Variants in OR2C1 observed in about 807,000 individuals in gnomAD.
The protein encoded by OR2C1 is olfactory receptor 2C1.
For synonymous variants in OR2C1, 209 were observed against 167.3 expected (o/e 1.25, Z -1.92); for missense variants, 468 against 388.3 (o/e 1.21, Z -1.73).
the OR2C1 span, among the ~76,000 whole-genome samples, chr16:3,330,557 C>CT: frequency 1.3e-5 from 2 of 151,946 alleles, no homozygotes; most frequent in East Asian, 1.9e-4. Context: ...ACATAGGTAA[C>CT]TTTTTTTTGC....
At chr16:3,336,224 T>G in the OR2C1 span, among the ~76,000 whole-genome samples, 43 of 152,350 alleles carry the variant, frequency 2.8e-4, no homozygotes, top group East Asian at 8.1e-3. Context: ...TTATGTTTAT[T>G]GATTTGTATC....
At chr16:3,344,504 G>T in the OR2C1 span, among the ~76,000 whole-genome samples, 1 of 152,100 alleles carries the variant, frequency 6.6e-6, no homozygotes, top group Admixed American at 6.5e-5. Context: ...GAGGCGGGTG[G>T]ATCACGAGGT....
At chr16:3,353,742 A>C (rs547637110), upstream of OR2C1, among the ~76,000 whole-genome samples, 13 of 151,944 alleles carry the variant, frequency 8.6e-5, no homozygotes, top group African/African-American at 2.9e-4. Flanking sequence ...CAGAGGTTGC[A>C]GTGAGCTGAG....
At chr16:3,352,190 C>T (rs930726857), upstream of OR2C1, among the ~76,000 whole-genome samples, 5 of 152,168 alleles carry the variant, frequency 3.3e-5, no homozygotes, top group Non-Finnish European at 5.9e-5. Context: ...AATCTTGGCT[C>T]ACTGCAAGCT....
chr16:3,353,665 G>A (rs1273779054), upstream of OR2C1, among the ~76,000 whole-genome samples: 1 of 151,892 alleles, frequency 6.6e-6, no homozygotes, highest in Non-Finnish European at 1.5e-5. Flanking sequence ...GTCAGGCGTG[G>A]TGGTGCACTC....
chr16:3,323,979 G>A, the OR2C1 span: 5 of 532,260 alleles, frequency 9.4e-6, no homozygotes, highest in African/African-American at 7.7e-5. Flanking sequence ...AAACCAATAG[G>A]TATACTTCCA....
the OR2C1 span, among the ~76,000 whole-genome samples, chr16:3,344,257 A>G: frequency 3.3e-5 from 5 of 152,200 alleles, no homozygotes; most frequent in African/African-American, 1.2e-4. Flanking sequence ...TTATAAATAA[A>G]CAAGAAAAAC....
rs1161658977 is a variant in OR2C1 at position 3,356,326 on chromosome 16, C to T, written c.386C>T (p.Pro129Leu). Reference protein sequence around the residue: ...AFDRYVAVCRPLRYTAIMNPQ... With the variant: ...AFDRYVAVCRLLRYTAIMNPQ... ...GACCGCTACGTGGCAGTGTGCCGGC[C>T]CCTCCGCTACACCGCCATCATGAAC... is the stretch of plus-strand genomic sequence containing the variant. Residue 129 changes from proline to leucine, a missense_variant, in exon 1 of 1, where the codon CCC (proline) becomes CTC (leucine). Transcript: ENST00000304936. 2 of 1,613,216 alleles carry T rather than the reference C, an allele frequency of 1.2e-6. No homozygotes were observed. Among genetic ancestry groups the T allele is most frequent in the Non-Finnish European group, 1.7e-6 (2 of 1,179,938 alleles).
chr16:3,323,734 A>G, the OR2C1 span: 18 of 685,766 alleles, frequency 2.6e-5, no homozygotes, highest in Non-Finnish European at 4.2e-5. Context: ...ACACCTTGTC[A>G]CATTTCTGCC....
At position 3,357,003 on chromosome 16, in the gene OR2C1, C is replaced by G; in HGVS notation, c.*124C>G. On this transcript the variant is annotated 3_prime_UTR_variant, in exon 1 of 1. Coordinates refer to ENST00000304936, the MANE Select transcript of OR2C1 (RefSeq NM_012368.3). The stretch of plus-strand genomic sequence containing the variant: ...AAACCAAGGCATGTTCCTGACAGCC[C>G]TAAGCTGACAGCCCTAAGCTGTTGG... 1.2e-6 allele frequency: 1 copy of G among 812,930 alleles called. No individual in the cohort carries two copies. Among genetic ancestry groups the G allele is most frequent in the Non-Finnish European group, 1.9e-6 (1 of 517,392 alleles). 50.4% of individuals were successfully genotyped at this position (812,930 alleles called of 1,614,324 possible).
the OR2C1 span, chr16:3,323,247 T>C: frequency 1.3e-6 from 1 of 782,730 alleles, no homozygotes; most frequent in Non-Finnish European, 2.3e-6. Context: ...TGTGCCCATC[T>C]CCTTGAGGAA....
chr16:3,354,205 A>C (rs1233783654), upstream of OR2C1, among the ~76,000 whole-genome samples: 1 of 151,938 alleles, frequency 6.6e-6, no homozygotes. Context: ...GGCTGATCTC[A>C]AACTCTTGGC....
At chr16:3,341,876 GA>G in the OR2C1 span, among the ~76,000 whole-genome samples, 1 of 152,168 alleles carries the variant, frequency 6.6e-6, no homozygotes, top group Non-Finnish European at 1.5e-5. Flanking sequence ...GGCTGGGGCT[GA>G]AAGTTCCAAG....
chr16:3,335,400 T>C, the OR2C1 span, among the ~76,000 whole-genome samples: 1 of 152,128 alleles, frequency 6.6e-6, no homozygotes, highest in Non-Finnish European at 1.5e-5. Flanking sequence ...CTTTTACTTG[T>C]TTGGTTAAAT....
the OR2C1 span, among the ~76,000 whole-genome samples, chr16:3,333,275 A>G: frequency 1.8e-5 from 1 of 55,692 alleles, no homozygotes; most frequent in Non-Finnish European, 3.5e-5. Flanking sequence ...AGTGCCTTAT[A>G]TTATTGGTTT....
At chr16:3,344,642 G>T in the OR2C1 span, among the ~76,000 whole-genome samples, 70 of 151,728 alleles carry the variant, frequency 4.6e-4, no homozygotes, top group Non-Finnish European at 1.9e-4. Flanking sequence ...CAGGAGAATC[G>T]CTTGAACCCA....
the OR2C1 span, among the ~76,000 whole-genome samples, chr16:3,339,583 A>G: frequency 6.6e-6 from 1 of 152,112 alleles, no homozygotes; most frequent in Non-Finnish European, 1.5e-5. Flanking sequence ...CAGCCTCACA[A>G]GTAGCTGGGA....
chr16:3,323,425 C>G, the OR2C1 span: 1 of 760,814 alleles, frequency 1.3e-6, no homozygotes, highest in Non-Finnish European at 2.4e-6. Flanking sequence ...TGTTGTCTGT[C>G]AGAGGGATGG....
the OR2C1 span, among the ~76,000 whole-genome samples, chr16:3,335,520 C>CTTTTTTTTTTT: frequency 2.5e-4 from 14 of 55,440 alleles, no homozygotes; most frequent in South Asian, 1.0e-3. Flanking sequence ...AATGCTACTG[C>CTTTTTTTTTTT]TTTTTTTTTT....
Sources: allele counts gnomAD v4.1 joint callset (sites outside exome capture counted in the v4.1 genomes callset), GRCh38; gene constraint gnomAD v4.1.1; transcripts MANE v1.5; gene names NCBI Gene and HGNC (gene_info 2026-07-23, HGNC 2026-07-21).